The following COBL variants were observed in gnomAD, a reference collection of about 807,000 sequenced individuals.
COBL encodes cordon-bleu WH2 repeat protein, also known as protein cordon-bleu.
Under a neutral mutation model 98.8 loss-of-function variants are expected in COBL, and 51 were observed. The observed-to-expected ratio is 0.52, with a 90% CI of 0.41 to 0.65. The LOEUF (loss-of-function observed/expected upper bound fraction) is 0.65, where lower values mean the gene tolerates loss of function less well. Among genes scored for constraint, COBL ranks in the 30% least tolerant of loss-of-function variants. The pLI is 0.00. For missense variants in COBL, 1,617 were observed against 1,617.5 expected, an observed-to-expected ratio of 1.00 and a Z score of 0.01; for synonymous variants, 634 against 651.7, an observed-to-expected ratio of 0.97 and a Z score of 0.41.
intron 1 of COBL, among the ~76,000 whole-genome samples, chr7:51,305,406 T>C (rs1802366340): frequency 6.6e-6 from 1 of 152,170 alleles, no homozygotes; most frequent in African/African-American, 2.4e-5. Context: ...TAACATATAA[T>C]TTTCCTCTGA....
chr7:51,261,250 C>T (rs1037267125), intron 1 of COBL, among the ~76,000 whole-genome samples: 1 of 152,216 alleles, frequency 6.6e-6, no homozygotes, highest in African/African-American at 2.4e-5. Flanking sequence ...TGGTGGCACA[C>T]GCCTATAAAA....
chr7:51,270,106 C>A (rs987234251), intron 1 of COBL, among the ~76,000 whole-genome samples: 1 of 152,202 alleles, frequency 6.6e-6, no homozygotes, highest in African/African-American at 2.4e-5. Flanking sequence ...GTTGCATGAG[C>A]ACTTTTGCCA....
intron 5 of COBL, among the ~76,000 whole-genome samples, chr7:51,170,573 C>T (rs1281923137): frequency 2.7e-5 from 4 of 147,268 alleles, no homozygotes; most frequent in Admixed American, 1.4e-4. Flanking sequence ...ATATGTATCA[C>T]ATATATATAT....
At position 51,059,804 on chromosome 7, in the gene COBL, C is replaced by T. The variant is rs1220662744; in HGVS notation, c.1097-16112G>A. On this transcript the variant is annotated intron_variant, in intron 7 of 12. Coordinates refer to ENST00000265136, the MANE Select transcript of COBL (RefSeq NM_015198.5). ...CCCAGAAATACAGCCAAGATGATTG[C>T]CTTCTATGTGCTATTCTCTAGTCCC... Among the ~76,000 whole-genome samples the T allele has an allele frequency of 4.6e-5, 7 of 152,302 alleles. No homozygotes were observed. The East Asian group carries it at 1.3e-3, about 29-fold the overall frequency.
intron 7 of COBL, among the ~76,000 whole-genome samples, chr7:51,078,096 A>G (rs574187328): frequency 6.6e-6 from 1 of 152,310 alleles, no homozygotes; most frequent in South Asian, 2.1e-4. Flanking sequence ...AGTATTGACC[A>G]GTGACTTCCA....
intron 6 of COBL, among the ~76,000 whole-genome samples, chr7:51,105,903 A>G (rs1796218851): frequency 6.6e-6 from 1 of 152,140 alleles, no homozygotes; most frequent in African/African-American, 2.4e-5. Context: ...TCTTACAGGA[A>G]TAATTTGGGA....
intron 1 of COBL, among the ~76,000 whole-genome samples, chr7:51,240,080 T>A (rs1027079364): frequency 1.1e-4 from 17 of 152,186 alleles, no homozygotes; most frequent in Admixed American, 4.6e-4. Flanking sequence ...TTAATTTTTT[T>A]AAAAAATACC....
At chr7:51,263,632 C>T (rs1797920182) in intron 1 of COBL, among the ~76,000 whole-genome samples, 1 of 151,884 alleles carries the variant, frequency 6.6e-6, no homozygotes, top group Non-Finnish European at 1.5e-5. Context: ...GCTTTAGTAC[C>T]TGGGAGGATG....
At chr7:51,251,964 T>G (rs1199958376) in intron 1 of COBL, among the ~76,000 whole-genome samples, 2 of 152,138 alleles carry the variant, frequency 1.3e-5, no homozygotes, top group African/African-American at 4.8e-5. Context: ...CTCCTAAGAG[T>G]AAGAGCAGTC....
At chr7:51,073,205 A>G in intron 7 of COBL, 1 of 432,026 alleles carries the variant, frequency 2.3e-6, no homozygotes. Context: ...ATGCATTTAT[A>G]TGTAAACCCC....
intron 1 of COBL, among the ~76,000 whole-genome samples, chr7:51,231,951 G>A (rs1278674308): frequency 6.6e-5 from 10 of 152,154 alleles, no homozygotes. Flanking sequence ...AGCCACCCAG[G>A]CCTGAGCTCC....
intron 1 of COBL, among the ~76,000 whole-genome samples, chr7:51,238,152 C>A (rs928082652): frequency 2.6e-5 from 4 of 152,226 alleles, no homozygotes; most frequent in Non-Finnish European, 5.9e-5. Context: ...CTCCCTTGGC[C>A]GCCTCCAGGC....
intron 1 of COBL, among the ~76,000 whole-genome samples, chr7:51,236,140 A>C (rs1795236578): frequency 6.6e-6 from 1 of 152,206 alleles, no homozygotes; most frequent in Non-Finnish European, 1.5e-5. Context: ...CTCTGACGGC[A>C]ACCTAGCCAG....
intron 6 of COBL, among the ~76,000 whole-genome samples, chr7:51,132,952 T>A (rs942175328): frequency 1.3e-5 from 2 of 151,884 alleles, no homozygotes; most frequent in Admixed American, 1.3e-4. Context: ...CCCAAACACC[T>A]CCCACCAGGC....
chr7:51,236,404 G>T (rs926974729), intron 1 of COBL, among the ~76,000 whole-genome samples: 2 of 152,186 alleles, frequency 1.3e-5, no homozygotes, highest in African/African-American at 4.8e-5. Context: ...GACAGGGCAG[G>T]GCTCTGGGTC....
chr7:51,228,848 T>C (rs1339611055), intron 1 of COBL, among the ~76,000 whole-genome samples: 1 of 152,198 alleles, frequency 6.6e-6, no homozygotes, highest in African/African-American at 2.4e-5. Flanking sequence ...CAACCCCTGT[T>C]CCAAGTTTCA....
intron 6 of COBL, among the ~76,000 whole-genome samples, chr7:51,087,800 A>C (rs566716306): frequency 9.9e-4 from 120 of 120,866 alleles, no homozygotes; most frequent in Non-Finnish European, 1.8e-3. Flanking sequence ...TTTTTTTTTA[A>C]TTCTCTGCAT....
At chr7:51,124,462 C>T (rs79936662) in intron 6 of COBL, among the ~76,000 whole-genome samples, 2 of 152,104 alleles carry the variant, frequency 1.3e-5, no homozygotes, top group South Asian at 4.1e-4. Flanking sequence ...GGAAGTGACA[C>T]CCTCACCCAG....
At chr7:51,233,604 T>G (rs1209833982) in intron 1 of COBL, among the ~76,000 whole-genome samples, 1 of 152,196 alleles carries the variant, frequency 6.6e-6, no homozygotes, top group African/African-American at 2.4e-5. Context: ...TATGTACTTT[T>G]GTCAATAACT....
Sources: allele counts gnomAD v4.1 joint callset (sites outside exome capture counted in the v4.1 genomes callset), GRCh38; gene constraint gnomAD v4.1.1; transcripts MANE v1.5; gene names NCBI Gene and HGNC (gene_info 2026-07-23, HGNC 2026-07-21).